SEC23IP: variants seen among roughly 807,000 people sequenced by gnomAD.
SEC23IP encodes the protein SEC23-interacting protein.
A neutral mutation model predicts 113.4 loss-of-function variants in SEC23IP; 70 were observed. The observed-to-expected ratio is 0.62, with a 90% confidence interval of 0.51 to 0.75. The LOEUF is 0.75. SEC23IP is among the 30% of genes least tolerant of loss of function. The probability of loss-of-function intolerance (pLI) is 0.00; values close to 1 mark genes in which losing one functional copy is unlikely to be tolerated. For synonymous variants in SEC23IP, 398 were observed against 421.0 expected (o/e 0.95, Z 0.67); for missense variants, 1,160 against 1,204.9 (o/e 0.96, Z 0.55).
At chr10:119,921,859 G>C (rs1162197778) in intron 12 of SEC23IP, among the ~76,000 whole-genome samples, 2 of 151,578 alleles carry the variant, frequency 1.3e-5, no homozygotes, top group Admixed American at 6.6e-5. Flanking sequence ...AATTTCTATG[G>C]TTCTATTATT....
At chr10:119,908,536 A>G (rs1854754545) in intron 4 of SEC23IP, among the ~76,000 whole-genome samples, 1 of 152,210 alleles carries the variant, frequency 6.6e-6, no homozygotes. Context: ...TGATGTGAAG[A>G]CAGACACACA....
intron 4 of SEC23IP, among the ~76,000 whole-genome samples, chr10:119,905,704 ATGATTAT>A (rs1389060223): frequency 1.3e-5 from 2 of 152,232 alleles, no homozygotes; most frequent in East Asian, 3.8e-4. Flanking sequence ...TGATGAAGAC[ATGATTAT>A]TGTCTACGTG....
At position 119,920,931 on chromosome 10, in the gene SEC23IP, C is replaced by T. The variant is rs1855233459; in HGVS notation, c.2068C>T (p.Leu690Phe). Residue 690 changes from leucine to phenylalanine, a missense_variant, in exon 12 of 19, where the codon CTT (leucine) becomes TTT (phenylalanine). By Grantham distance (22) the Leu-to-Phe change is conservative. Transcript: ENST00000369075. The stretch of plus-strand genomic sequence containing the variant: ...TGACCTGAAGGAAATGGGGATACCC[C>T]TTGGACCCAGAAAGAAGATAGCTAA... ...VDDLKEMGIP[L>F]GPRKKIANFV... 6.2e-7 allele frequency: 1 copy of T among 1,613,798 alleles called. No homozygotes were observed. Among genetic ancestry groups the T allele is most frequent in the Non-Finnish European group, 8.5e-7 (1 of 1,179,782 alleles).
At chr10:119,895,310 A>G (rs934063430) in intron 1 of SEC23IP, among the ~76,000 whole-genome samples, 2 of 152,124 alleles carry the variant, frequency 1.3e-5, no homozygotes, top group Admixed American at 6.5e-5. Context: ...CTTGAGGAGG[A>G]GGTTGCAGTG....
At chr10:119,924,240 C>A (rs1855345533) in intron 12 of SEC23IP, among the ~76,000 whole-genome samples, 1 of 152,060 alleles carries the variant, frequency 6.6e-6, no homozygotes, top group African/African-American at 2.4e-5. Flanking sequence ...TCATTTTGGC[C>A]AGCTGTGGTT....
chr10:119,919,336 T>G, intron 10 of SEC23IP, 108 bp from the exon 11 acceptor site: 1 of 1,056,852 alleles, frequency 9.5e-7, no homozygotes, highest in South Asian at 1.6e-5. Context: ...TGCCTAAAAT[T>G]ATGATTTCTG....
chr10:119,920,029 G>A (rs11199120), intron 11 of SEC23IP, among the ~76,000 whole-genome samples: 70 of 152,234 alleles, frequency 4.6e-4, no homozygotes, highest in African/African-American at 1.6e-3. Context: ...AAACTCATAA[G>A]AGAAATGGAA....
rs754530335 is a variant in SEC23IP at position 119,912,054 on chromosome 10, A to C, written c.1202A>C (p.Gln401Pro). Residue 401 changes from glutamine to proline, a missense_variant, in exon 6 of 19, where the codon CAG becomes CCG. Gln to Pro is a moderately conservative substitution (Grantham distance 76). Coordinates refer to ENST00000369075, the MANE Select transcript of SEC23IP (RefSeq NM_007190.4). ...TGTTGCATCTTGAAGGTTATTGTTCAGTTCCAGCCCTCCTCAGTGCCAGAT... is the reference window on the plus strand; with the variant it reads ...TGTTGCATCTTGAAGGTTATTGTTCCGTTCCAGCCCTCCTCAGTGCCAGAT... ...IVMHNPKVIV[Q>P]FQPSSVPDEW... is the part of the protein sequence containing the mutation. The C allele has an allele frequency of 1.2e-6, 2 of 1,614,044 alleles. No individual in the cohort carries two copies.
chr10:119,912,627 TTTC>T (rs1220898900), intron 6 of SEC23IP, among the ~76,000 whole-genome samples: 2 of 150,288 alleles, frequency 1.3e-5, no homozygotes, highest in Non-Finnish European at 3.0e-5. Flanking sequence ...CCTAGGTATT[TTTC>T]TTTTTCTTTT....
intron 12 of SEC23IP, among the ~76,000 whole-genome samples, chr10:119,921,401 C>G (rs1274485285): frequency 6.6e-6 from 1 of 152,178 alleles, no homozygotes; most frequent in Non-Finnish European, 1.5e-5. Flanking sequence ...TCTCAAACTC[C>G]TGGGCTCAAG....
In SEC23IP at chr10:119,943,701, T is replaced by C. The variant is rs1279564845; in HGVS notation, c.*3136T>C. On this transcript the variant is annotated 3_prime_UTR_variant, in exon 19 of 19. Transcript: ENST00000369075. ...TCATGTTGTTAACACCAGTGGGAGT[T>C]TGGGAAATAATTCCAGCTCTTTAAT... 3 of 152,224 alleles carry C rather than the reference T, an allele frequency of 2.0e-5. No homozygotes were observed. The East Asian group carries it at 5.8e-4, about 29-fold the overall frequency. The allele number at this position is 152,224 out of a possible 1,614,324, so 9.4% of individuals were successfully genotyped here. A position where few individuals can be genotyped will look rare whatever the true frequency, so the allele number is the denominator to read the frequency against.
In SEC23IP at chr10:119,927,299, T is replaced by A. The variant is rs141730999; in HGVS notation, c.2313+1072T>A. On this transcript the variant is annotated intron_variant, in intron 13 of 18. Transcript: ENST00000369075. ...ATTTCCTTATTATTGAAGGTATTAGTTTCTTAAGGCTGCCATAACAAAGTT... is the reference window on the plus strand; with the variant it reads ...ATTTCCTTATTATTGAAGGTATTAGATTCTTAAGGCTGCCATAACAAAGTT... Among the ~76,000 whole-genome samples the A allele has an allele frequency of 3.0e-3, 460 of 152,296 alleles. 1 individual carries two copies. Among genetic ancestry groups the A allele is most frequent in the African/African-American group, 0.011 (442 of 41,564 alleles).
chr10:119,920,582 AGAG>A (rs758343746), intron 11 of SEC23IP, among the ~76,000 whole-genome samples: 1 of 152,240 alleles, frequency 6.6e-6, no homozygotes, highest in East Asian at 1.9e-4. Flanking sequence ...AGTTGCGCTG[AGAG>A]GAGAATTCTA....
chr10:119,939,531 C>T (rs956008050), intron 18 of SEC23IP, among the ~76,000 whole-genome samples: 5 of 150,344 alleles, frequency 3.3e-5, no homozygotes, highest in African/African-American at 1.2e-4. Context: ...AAAAATTAGC[C>T]GGGCGTGGTA....
At chr10:119,931,347 G>C (rs184196401) in intron 15 of SEC23IP, among the ~76,000 whole-genome samples, 22 of 147,278 alleles carry the variant, frequency 1.5e-4, no homozygotes, top group African/African-American at 5.5e-4. Flanking sequence ...TTTAAATCTC[G>C]TAGGCCTCTT....
At chr10:119,915,303 G>A (rs1162640959) in intron 7 of SEC23IP, among the ~76,000 whole-genome samples, 1 of 152,072 alleles carries the variant, frequency 6.6e-6, no homozygotes, top group Non-Finnish European at 1.5e-5. Context: ...TGGGGTATAG[G>A]CGCTGTCACT....
At chr10:119,908,972 C>A in intron 4 of SEC23IP, 69 bp from the exon 5 acceptor site, 1 of 1,011,712 alleles carries the variant, frequency 9.9e-7, no homozygotes. Flanking sequence ...TGACCGTTTT[C>A]CTCCATACTT....
intron 5 of SEC23IP, among the ~76,000 whole-genome samples, chr10:119,910,310 A>AT (rs1182544302): frequency 6.6e-6 from 1 of 151,974 alleles, no homozygotes; most frequent in African/African-American, 2.4e-5. Flanking sequence ...AAAAATATTG[A>AT]TTGCTGGTAT....
In SEC23IP at chr10:119,892,734, G is replaced by C; in HGVS notation, c.-49G>C. 6.4e-7 allele frequency: 1 copy of C among 1,550,778 alleles called. No homozygotes were observed. The highest frequency in any genetic ancestry group is 8.7e-7 in the Non-Finnish European group (1 of 1,146,182). Reference sequence around the variant, plus strand: ...GAGCGTGATCGGTTTCCGGTCAGTGGTGTGGTACCGGGTACCCGGAGACGT... The same window carrying C: ...GAGCGTGATCGGTTTCCGGTCAGTGCTGTGGTACCGGGTACCCGGAGACGT... On this transcript the variant is annotated 5_prime_UTR_variant, in exon 1 of 19. Transcript: ENST00000369075.
Sources: gnomAD v4.1 joint callset for allele counts (sites outside exome capture counted in the v4.1 genomes callset) on GRCh38, gnomAD v4.1.1 for gene constraint, MANE v1.5 for transcripts, NCBI Gene and HGNC (gene_info 2026-07-23, HGNC 2026-07-21) for gene names.